SBNO1: variants seen among roughly 807,000 people sequenced by gnomAD.
SBNO1 encodes protein strawberry notch homolog 1.
A neutral mutation model predicts 173.6 loss-of-function variants in SBNO1; 23 were observed. The ratio of observed to expected loss-of-function variants is 0.13; its 90% CI spans 0.10 to 0.19. The LOEUF (loss-of-function observed/expected upper bound fraction) is 0.19. Ranked by LOEUF, SBNO1 falls within the 10% of genes least tolerant of loss-of-function variation. SBNO1 has a pLI of 1.00. For missense variants in SBNO1, 1,238 were observed against 1,671.2 expected (o/e 0.74, Z 4.52); for synonymous variants, 632 against 571.5 (o/e 1.11, Z -1.51).
intron 7 of SBNO1, among the ~76,000 whole-genome samples, chr12:123,333,545 AG>A: frequency 1.3e-5 from 2 of 151,866 alleles, no homozygotes; most frequent in South Asian, 4.2e-4. Flanking sequence ...CCCATCACCC[AG>A]GGTGGAGTGA....
intron 9 of SBNO1, among the ~76,000 whole-genome samples, chr12:123,329,468 GAATAAA>G (rs950908068): frequency 1.2e-4 from 17 of 145,526 alleles, no homozygotes; most frequent in African/African-American, 4.3e-4. Flanking sequence ...TTCCCTATAA[GAATAAA>G]AAGTCACAAT....
intron 7 of SBNO1, among the ~76,000 whole-genome samples, chr12:123,333,355 T>G (rs577197509): frequency 6.6e-6 from 1 of 152,068 alleles, no homozygotes; most frequent in South Asian, 2.1e-4. Context: ...GTTTATGCAA[T>G]TACCCCCCAA....
At chr12:123,355,808 A>C (rs772982354) in intron 1 of SBNO1, among the ~76,000 whole-genome samples, 3 of 152,172 alleles carry the variant, frequency 2.0e-5, no homozygotes, top group Non-Finnish European at 2.9e-5. Context: ...AAACGAAAGC[A>C]TTTGAAAACA....
Position 123,299,681 on chromosome 12 carries a change from C to CAAAAAAAAAAAAA in SBNO1, c.3846-1523_3846-1511dup, listed in dbSNP as rs538218167. ...GGGCGACACAGCAAGACTCTGTCTTCAAAAAAAAAAAAAAAAAACAAAAAA... is the reference window on the plus strand; with the variant it reads ...GGGCGACACAGCAAGACTCTGTCTTCAAAAAAAAAAAAAAAAAAAAAAAAAAAAAAACAAAAAA... On this transcript the variant is annotated intron_variant, in intron 30 of 31. Coordinates refer to ENST00000602398, the MANE Select transcript of SBNO1 (RefSeq NM_001167856.3). Among the ~76,000 whole-genome samples, 274 of 93,792 alleles carry CAAAAAAAAAAAAA rather than the reference C, an allele frequency of 2.9e-3. 16 individuals carry two copies. The highest frequency in any genetic ancestry group is 0.023 in the East Asian group (58 of 2,570). The allele number at this position is 93,792 out of a possible 152,430, so 61.5% of individuals were successfully genotyped here.
At chr12:123,304,326 C>G in intron 29 of SBNO1, 1 of 320,306 alleles carries the variant, frequency 3.1e-6, no homozygotes, top group Non-Finnish European at 5.9e-6. Context: ...CCTCCGCCTC[C>G]CGGGTTCAAG....
intron 24 of SBNO1, among the ~76,000 whole-genome samples, chr12:123,313,195 G>A (rs559090106): frequency 1.0e-3 from 141 of 135,786 alleles, no homozygotes; most frequent in Middle Eastern, 4.2e-3. Flanking sequence ...AGCAAGACTC[G>A]GTCTTAAAAT....
In SBNO1 at chr12:123,313,645, T is replaced by C. The variant is rs1868897623; in HGVS notation, c.3195A>G (p.Pro1065=). The change falls in exon 24 of 32, where the codon CCA becomes CCG. Residue 1065 remains proline (P), a synonymous_variant. Transcript: ENST00000602398. The part of the protein sequence containing the change: ...NLDSPMVSPP[P]DYPGEFFKDV... The stretch of plus-strand genomic sequence containing the variant: ...CTTTAAAAAATTCTCCAGGATAGTC[T>C]GGAGGTGGTGATACCATAGGAGAAT... The C allele has an allele frequency of 1.3e-6, 2 of 1,597,968 alleles. No individual in the cohort carries two copies. Among genetic ancestry groups the C allele is most frequent in the African/African-American group, 2.7e-5 (2 of 74,582 alleles).
chr12:123,334,472 C>T (rs893474826), intron 6 of SBNO1, among the ~76,000 whole-genome samples: 10 of 152,192 alleles, frequency 6.6e-5, no homozygotes. Context: ...CTTTGGGGGG[C>T]CAAGGTGGAG....
At chr12:123,338,893 GACACACACACACACACACGCC>G (rs1566045535) in intron 5 of SBNO1, among the ~76,000 whole-genome samples, 3 of 3,802 alleles carry the variant, frequency 7.9e-4, no homozygotes, top group African/African-American at 2.2e-3. Context: ...CACACACCCC[GACACACACACACACACACGCC>G]CCCCCCCCCC....
At position 123,331,361 on chromosome 12, in the gene SBNO1, G is replaced by T; in HGVS notation, c.924C>A (p.Phe308Leu). The T allele has an allele frequency of 6.2e-7, 1 of 1,613,620 alleles. No individual in the cohort carries two copies. The highest frequency in any genetic ancestry group is 2.2e-5 in the East Asian group (1 of 44,888). Residue 308 changes from phenylalanine (F) to leucine (L), a missense_variant, in exon 8 of 32, where the codon TTC (phenylalanine) becomes TTA (leucine). By Grantham distance (22) the Phe-to-Leu change is conservative (BLOSUM62 0). Around this residue, in one of 14 missense-constraint regions of SBNO1, gnomAD observed 78 missense variants for 103.3 expected, o/e 0.76. Transcript: ENST00000602398. ...AGCCAGCACGATCTCCATTAGGTAGGAAAGTTTCATGTTGCTGAAAAACAA... is the reference window on the plus strand; with the variant it reads ...AGCCAGCACGATCTCCATTAGGTAGTAAAGTTTCATGTTGCTGAAAAACAA... Reference protein sequence around the residue: ...ITYAAQQHETFLPNGDRAGFL... With the variant: ...ITYAAQQHETLLPNGDRAGFL...
At chr12:123,317,390 T>G (rs1869408656) in intron 20 of SBNO1, 34 bp from the exon 21 acceptor site, 1 of 1,609,620 alleles carries the variant, frequency 6.2e-7, no homozygotes, top group Non-Finnish European at 8.5e-7. Flanking sequence ...AAGTCACTTT[T>G]GCATAAGAAC....
chr12:123,305,296 C>T (rs1010447628), intron 28 of SBNO1, among the ~76,000 whole-genome samples: 5 of 152,166 alleles, frequency 3.3e-5, no homozygotes, highest in Non-Finnish European at 5.9e-5. Flanking sequence ...CTGCCTTTCC[C>T]GATGTCACAG....
intron 14 of SBNO1, 56 bp from the exon 15 acceptor site, chr12:123,325,655 C>A (rs573560555): frequency 9.0e-7 from 1 of 1,116,462 alleles, no homozygotes; most frequent in Non-Finnish European, 1.3e-6. Context: ...GGCTTCTTAC[C>A]AAGACATATT....
intron 23 of SBNO1, 132 bp downstream of exon 23, chr12:123,315,241 G>A: frequency 4.6e-6 from 3 of 656,382 alleles, no homozygotes; most frequent in East Asian, 2.7e-5. Flanking sequence ...TGTCTTATAG[G>A]AAGCCATGAT....
chr12:123,325,561 T>C lies in SBNO1; in HGVS notation c.1914A>G (p.Arg638=), dbSNP rs765417956. 17 of 1,613,470 alleles carry C rather than the reference T, an allele frequency of 1.1e-5. No homozygotes were observed. The highest frequency in any genetic ancestry group is 1.4e-5 in the Non-Finnish European group (17 of 1,179,460). The change falls in exon 15 of 32, where the codon AGA becomes AGG. Residue 638 remains arginine, a synonymous_variant. Transcript: ENST00000602398. ...VIGLQSTGEA[R]TLEALEEGGG... ...CGCCCTCTTCCAAAGCTTCTAATGTTCTAGCTTCTCCTGTAGACTGCAGAC... is the reference window on the plus strand; with the variant it reads ...CGCCCTCTTCCAAAGCTTCTAATGTCCTAGCTTCTCCTGTAGACTGCAGAC...
At chr12:123,354,493 A>G (rs918471632) in intron 1 of SBNO1, among the ~76,000 whole-genome samples, 8 of 152,140 alleles carry the variant, frequency 5.3e-5, no homozygotes, top group African/African-American at 1.9e-4. Context: ...AGGGTGAAGG[A>G]GGGAAAGGGG....
chr12:123,349,554 A>G (rs1308701007), intron 2 of SBNO1, among the ~76,000 whole-genome samples: 2 of 129,492 alleles, frequency 1.5e-5, no homozygotes, highest in Admixed American at 1.4e-4. Flanking sequence ...ATAACATCAA[A>G]GCAGAAAATA....
At chr12:123,311,253 T>G (rs1409784236) in intron 24 of SBNO1, 124 bp from the exon 25 acceptor site, 1 of 680,958 alleles carries the variant, frequency 1.5e-6, no homozygotes, top group African/African-American at 1.8e-5. Flanking sequence ...GATATTTATA[T>G]AAACATGGAG....
In SBNO1 at chr12:123,308,825, TG is replaced by T. The variant is rs2048985747; in HGVS notation, c.3630+484del. On this transcript the variant is annotated intron_variant, in intron 28 of 31. Transcript: ENST00000602398. Reference sequence around the variant, plus strand: ...TCTACTAAAAATAAAAAAATTAGGCTGGGCACAGTGGCTCACGCCTCTAATC... The same window carrying T: ...TCTACTAAAAATAAAAAAATTAGGCTGGCACAGTGGCTCACGCCTCTAATC... 4.6e-5 allele frequency among the ~76,000 whole-genome samples: 7 copies of T among 151,740 alleles called. No individual in the cohort carries two copies. The South Asian group carries it at 1.5e-3, about 32-fold the overall frequency.
Sources: gnomAD v4.1 joint callset for allele counts (sites outside exome capture counted in the v4.1 genomes callset) on GRCh38, gnomAD v4.1.1 for gene constraint, gnomAD v4.1.1 regional missense constraint, MANE v1.5 for transcripts, NCBI Gene and HGNC (gene_info 2026-07-23, HGNC 2026-07-21) for gene names.